The following XPNPEP3 variants were observed in gnomAD, a reference collection of about 807,000 sequenced individuals.
XPNPEP3 encodes the protein xaa-Pro aminopeptidase 3.
In XPNPEP3, 41 loss-of-function variants were observed where a neutral mutation model predicts 60.0. That is an observed-to-expected ratio of 0.68 (90% confidence interval 0.53 to 0.89). The LOEUF is 0.89. XPNPEP3 is among the 40% of genes least tolerant of loss of function. The pLI, the probability that XPNPEP3 is intolerant of heterozygous loss-of-function variation, is 0.00. For synonymous variants in XPNPEP3, 212 were observed against 223.2 expected (o/e 0.95, Z 0.45); for missense variants, 598 against 638.9 (o/e 0.94, Z 0.69).
intron 1 of XPNPEP3, among the ~76,000 whole-genome samples, chr22:40,857,693 T>G (rs2057910658): frequency 6.6e-6 from 1 of 152,272 alleles, no homozygotes; most frequent in Non-Finnish European, 1.5e-5. Flanking sequence ...TCTGGGGCGT[T>G]CTGTGTCTGA....
intron 6 of XPNPEP3, among the ~76,000 whole-genome samples, chr22:40,912,202 G>A (rs987268349): frequency 6.6e-6 from 1 of 151,922 alleles, no homozygotes; most frequent in Non-Finnish European, 1.5e-5. Flanking sequence ...TTCATAGATA[G>A]ACATTTATGA....
intron 4 of XPNPEP3, among the ~76,000 whole-genome samples, chr22:40,895,298 G>A (rs942913993): frequency 2.0e-5 from 3 of 151,796 alleles, no homozygotes; most frequent in African/African-American, 7.3e-5. Context: ...TTATTGAAAT[G>A]CATTTCTTTT....
chr22:40,864,816 C>G (rs184845060), intron 1 of XPNPEP3, among the ~76,000 whole-genome samples: 2 of 152,204 alleles, frequency 1.3e-5, no homozygotes, highest in Admixed American at 1.3e-4. Context: ...GTGCTGACTT[C>G]CTATTTCATT....
chr22:40,912,240 C>G (rs971732320), intron 6 of XPNPEP3, among the ~76,000 whole-genome samples: 3 of 151,928 alleles, frequency 2.0e-5, no homozygotes, highest in African/African-American at 7.3e-5. Context: ...TTTGATCATT[C>G]TTGTGCATTT....
chr22:40,925,180 C>T (rs1475869743), intron 9 of XPNPEP3, among the ~76,000 whole-genome samples: 1 of 152,178 alleles, frequency 6.6e-6, no homozygotes, highest in Non-Finnish European at 1.5e-5. Context: ...AGCTACCCAG[C>T]ACCATCCCAC....
chr22:40,907,183 A>G, intron 4 of XPNPEP3: 1 of 457,774 alleles, frequency 2.2e-6, no homozygotes, highest in South Asian at 1.5e-5. Flanking sequence ...TCACTTTGGG[A>G]GGCCAAGGTA....
In XPNPEP3 at chr22:40,931,933, C is replaced by T. The variant is rs1428030673; in HGVS notation, c.*5498C>T. The T allele has an allele frequency of 1.3e-5, 2 of 152,172 alleles. No homozygotes were observed. The highest frequency in any genetic ancestry group is 2.9e-5 in the Non-Finnish European group (2 of 68,032). 9.4% of individuals were successfully genotyped at this position (152,172 alleles called of 1,614,324 possible). A position where few individuals can be genotyped will look rare whatever the true frequency, so the allele number is the denominator to read the frequency against. The stretch of plus-strand genomic sequence containing the variant: ...CAAATAAAACATGTTAAACCTCCAT[C>T]TAAAGACATTGCAACTTATTAAAAC... On this transcript the variant is annotated 3_prime_UTR_variant, in exon 10 of 10. Transcript: ENST00000357137.
Position 40,932,167 on chromosome 22 carries a change from T to C in XPNPEP3, c.*5732T>C, listed in dbSNP as rs1324982179. The C allele has an allele frequency of 1.3e-5, 2 of 152,190 alleles. No individual in the cohort carries two copies. The allele number at this position is 152,190 out of a possible 1,614,324, so 9.4% of individuals were successfully genotyped here. On this transcript the variant is annotated 3_prime_UTR_variant, in exon 10 of 10. Transcript: ENST00000357137. ...CCTTTGTAACAGTGTTTCCAATAAC[T>C]TCTGCCAATAAAACAGAATTTGAGT...
chr22:40,874,432 T>G (rs2058019801), intron 2 of XPNPEP3, among the ~76,000 whole-genome samples: 1 of 151,200 alleles, frequency 6.6e-6, no homozygotes, highest in Non-Finnish European at 1.5e-5. Context: ...TGTTTTTGTT[T>G]TTGTTTTTTT....
At chr22:40,866,430 TG>T (rs1253207809) in intron 1 of XPNPEP3, among the ~76,000 whole-genome samples, 1 of 152,052 alleles carries the variant, frequency 6.6e-6, no homozygotes, top group Admixed American at 6.6e-5. Context: ...AAGTGATGTT[TG>T]AGCTGGTATT....
intron 4 of XPNPEP3, chr22:40,888,450 T>C: frequency 2.3e-6 from 1 of 434,532 alleles, no homozygotes; most frequent in Non-Finnish European, 4.6e-6. Flanking sequence ...CTCAGTGTTG[T>C]CCAGGCTAGT....
intron 7 of XPNPEP3, among the ~76,000 whole-genome samples, chr22:40,916,130 A>G (rs968742763): frequency 1.3e-5 from 2 of 152,036 alleles, no homozygotes; most frequent in African/African-American, 4.8e-5. Context: ...TGTCTCTACT[A>G]AAAATACAAA....
In XPNPEP3 at chr22:40,926,301, C is replaced by T; in HGVS notation, c.1390C>T (p.Pro464Ser). The T allele has an allele frequency of 2.5e-6, 4 of 1,614,008 alleles. No homozygotes were observed. The highest frequency in any genetic ancestry group is 3.4e-6 in the Non-Finnish European group (4 of 1,180,000). ...TATTCCAGAGGATGACAAAGATGCC[C>T]CAGAGAAGTTTCGGGGTCTTGGTGT... ...IYIPEDDKDA[P>S]EKFRGLGVRI... The change falls in exon 10 of 10, where the codon CCA (proline) becomes TCA (serine). Residue 464 changes from proline to serine, a missense_variant. Physicochemically the swap from Pro to Ser is moderately conservative, Grantham distance 74. Coordinates refer to ENST00000357137, the MANE Select transcript of XPNPEP3 (RefSeq NM_022098.4).
At chr22:40,921,486 T>TAA (rs1271058960) in intron 7 of XPNPEP3, among the ~76,000 whole-genome samples, 127 of 103,914 alleles carry the variant, frequency 1.2e-3, no homozygotes, top group Middle Eastern at 0.01. Context: ...ACCTTGTCTC[T>TAA]AAAAAAAAAA....
chr22:40,916,301 A>G (rs1037393001), intron 7 of XPNPEP3, among the ~76,000 whole-genome samples: 7 of 147,364 alleles, frequency 4.8e-5, no homozygotes, highest in Non-Finnish European at 1.1e-4. Context: ...CAAACAAAGG[A>G]AAAAAAAAAA....
intron 2 of XPNPEP3, among the ~76,000 whole-genome samples, chr22:40,872,321 C>G (rs1235777575): frequency 6.6e-6 from 1 of 152,192 alleles, no homozygotes; most frequent in East Asian, 1.9e-4. Flanking sequence ...CATCTCTGTG[C>G]TAAGGTCTGT....
chr22:40,903,622 T>G (rs2058143240), intron 4 of XPNPEP3, among the ~76,000 whole-genome samples: 1 of 151,968 alleles, frequency 6.6e-6, no homozygotes, highest in Non-Finnish European at 1.5e-5. Flanking sequence ...CCCAAGTAGC[T>G]GGAATTACAG....
intron 4 of XPNPEP3, among the ~76,000 whole-genome samples, chr22:40,906,132 T>G (rs1398856035): frequency 6.6e-6 from 1 of 152,060 alleles, no homozygotes; most frequent in Non-Finnish European, 1.5e-5. Flanking sequence ...AGAGAGATAG[T>G]GTCTCACTAT....
At chr22:40,860,585 A>G (rs1162323293) in intron 1 of XPNPEP3, 1 of 1,197,108 alleles carries the variant, frequency 8.4e-7, no homozygotes, top group East Asian at 2.7e-5. Flanking sequence ...ATTAGAAAAA[A>G]GAAAAATAGG....
Sources: gnomAD v4.1 joint callset for allele counts (sites outside exome capture counted in the v4.1 genomes callset) on GRCh38, gnomAD v4.1.1 for gene constraint, MANE v1.5 for transcripts, NCBI Gene and HGNC (gene_info 2026-07-23, HGNC 2026-07-21) for gene names.